The following DHX38 variants were observed in gnomAD, a reference collection of about 807,000 sequenced individuals.
DHX38 encodes pre-mRNA-splicing factor ATP-dependent RNA helicase PRP16.
Under a neutral mutation model 153.1 loss-of-function variants are expected in DHX38, and 100 were observed. The observed-to-expected ratio is 0.65, with a 90% CI of 0.56 to 0.77. DHX38 has a LOEUF of 0.77. Ranked by LOEUF, DHX38 falls within the 30% of genes least tolerant of loss-of-function variation. The probability of loss-of-function intolerance (pLI) is 0.00; values close to 1 mark genes in which losing one functional copy is unlikely to be tolerated. For missense variants in DHX38, 1,440 were observed against 1,654.0 expected (o/e 0.87, Z 2.24); for synonymous variants, 650 against 631.7 (o/e 1.03, Z -0.43).
At chr16:72,099,617 G>C in intron 7 of DHX38, 115 bp from the exon 8 acceptor site, 1 of 1,413,398 alleles carries the variant, frequency 7.1e-7, no homozygotes, top group South Asian at 1.4e-5. Context: ...CCCCTCACAA[G>C]GGTAGCTCCA....
chr16:72,108,963 C>A, intron 24 of DHX38, 38 bp downstream of exon 24: 1 of 1,551,462 alleles, frequency 6.4e-7, no homozygotes, highest in South Asian at 1.2e-5. Context: ...ATGCAGGCCC[C>A]CTGTCTGGCC....
intron 9 of DHX38, 27 bp downstream of exon 9, chr16:72,100,624 A>G (rs774572495): frequency 6.2e-7 from 1 of 1,610,886 alleles, no homozygotes; most frequent in South Asian, 1.1e-5. Context: ...GCCAGGGACA[A>G]GACAGCTCAG....
chr16:72,097,041 T>C (rs2042031623), intron 3 of DHX38, 32 bp downstream of exon 3: 2 of 1,568,434 alleles, frequency 1.3e-6, no homozygotes, highest in Admixed American at 3.7e-5. Context: ...CTATTGTCCA[T>C]TAGCATTCGA....
chr16:72,094,340 C>T (rs1402067080), intron 1 of DHX38: 1 of 152,312 alleles, frequency 6.6e-6, no homozygotes, highest in Non-Finnish European at 1.5e-5. Flanking sequence ...TTAACCCACC[C>T]CAGACTGTCA....
intron 3 of DHX38, 182 bp from the exon 4 acceptor site, chr16:72,097,495 C>A: frequency 1.8e-6 from 1 of 556,642 alleles, no homozygotes. Context: ...ATTTTCTAGG[C>A]AGTAACTATT....
Position 72,104,092 on chromosome 16 carries a change from C to T in DHX38, c.1971C>T (p.Arg657=), listed in dbSNP as rs61757602. The change falls in exon 14 of 27, where the codon CGC becomes CGT. Residue 657 remains arginine (R), a synonymous_variant. Transcript: ENST00000268482. The surrounding 1 kb of genome is among the most constrained non-coding windows in gnomAD (Gnocchi z 4.5). ...SAIIMDEAHE[R]SLNTDVLFGL... is the part of the protein sequence containing the mutation. ...TCATCATGGACGAGGCCCACGAGCG[C>T]TCCCTCAACACTGACGTGCTCTTTG... 1.4e-3 allele frequency: 2,214 copies of T among 1,614,168 alleles called. 36 individuals are homozygous for T. In the African/African-American group the frequency reaches 0.026, roughly 19 times the overall value.
intron 25 of DHX38, among the ~76,000 whole-genome samples, chr16:72,109,991 A>T (rs1002938728): frequency 5.3e-5 from 8 of 152,248 alleles, no homozygotes; most frequent in Non-Finnish European, 1.2e-4. Flanking sequence ...AAAAAAATGA[A>T]TACTTAATGT....
intron 26 of DHX38, among the ~76,000 whole-genome samples, 169 bp downstream of exon 26, chr16:72,111,246 T>A (rs1488915498): frequency 6.6e-6 from 1 of 151,956 alleles, no homozygotes; most frequent in Admixed American, 6.6e-5. Context: ...GTGGGAGGAG[T>A]TCCTGACAGC....
In DHX38 at chr16:72,103,148, T is replaced by G; in HGVS notation, c.1574T>G (p.Ile525Ser). ...AGTGAATTTGCAAAGAAGAAGTCCATCCTGGAGCAGAGGCAGTACCTGCCC... is the reference window on the plus strand; with the variant it reads ...AGTGAATTTGCAAAGAAGAAGTCCAGCCTGGAGCAGAGGCAGTACCTGCCC... Reference protein sequence around the residue: ...ASSEFAKKKSILEQRQYLPIF... With the variant: ...ASSEFAKKKSSLEQRQYLPIF... The change falls in exon 12 of 27, where the codon ATC (isoleucine) becomes AGC (serine). Residue 525 changes from isoleucine to serine, a missense_variant. Coordinates refer to ENST00000268482, the MANE Select transcript of DHX38 (RefSeq NM_014003.4). The G allele has an allele frequency of 6.2e-7, 1 of 1,614,212 alleles. No individual in the cohort carries two copies. Among genetic ancestry groups the G allele is most frequent in the East Asian group, 2.2e-5 (1 of 44,882 alleles).
Position 72,103,632 on chromosome 16 carries a change from G to A in DHX38, c.1668G>A (p.Glu556=), listed in dbSNP as rs368944332. ...RDNSIVIVVG[E]TGSGKTTQLT... Reference sequence around the variant, plus strand: ...ACAGCATCGTGATCGTGGTTGGGGAGACGGGGAGTGGTAAGACCACTCAGC... The same window carrying A: ...ACAGCATCGTGATCGTGGTTGGGGAAACGGGGAGTGGTAAGACCACTCAGC... The change falls in exon 13 of 27, where the codon GAG becomes GAA. Residue 556 remains glutamate (E), a synonymous_variant. Transcript: ENST00000268482. The A allele has an allele frequency of 1.9e-6, 3 of 1,612,018 alleles. No homozygotes were observed. In the African/African-American group the frequency reaches 4.0e-5, roughly 21 times the overall value.
In DHX38 at chr16:72,104,977, G is replaced by A; in HGVS notation, c.2152-50G>A. ...CCACTGGGCTCCCAGGAGATGCCCG[G>A]CCTGCGCTTCTAGTACCTCCCTCTG... On this transcript the variant is annotated intron_variant, in intron 15 of 26. Transcript: ENST00000268482. This position sits in a 1 kb window ranked among gnomAD's most constrained non-coding sequence, Gnocchi z 4.5. The A allele has an allele frequency of 1.9e-6, 3 of 1,570,172 alleles. No individual in the cohort carries two copies. Among genetic ancestry groups the A allele is most frequent in the Non-Finnish European group, 2.6e-6 (3 of 1,149,926 alleles).
intron 1 of DHX38, 116 bp from the exon 2 acceptor site, chr16:72,096,023 G>A: frequency 1.9e-6 from 2 of 1,079,750 alleles, no homozygotes; most frequent in Non-Finnish European, 2.6e-6. Flanking sequence ...AAGTAGTCCT[G>A]GTCTTAAGGG....
At chr16:72,097,406 A>T (rs1284316667) in intron 3 of DHX38, 1 of 443,178 alleles carries the variant, frequency 2.3e-6, no homozygotes, top group Non-Finnish European at 4.1e-6. Context: ...TGTAACTATT[A>T]AAAAAAATGA....
Position 72,104,896 on chromosome 16 carries a change from T to C in DHX38, c.2152-131T>C. The C allele has an allele frequency of 2.2e-6, 2 of 920,764 alleles. No homozygotes were observed. Among genetic ancestry groups the C allele is most frequent in the South Asian group, 1.7e-5 (1 of 59,624 alleles). 57.0% of individuals were successfully genotyped at this position (920,764 alleles called of 1,614,324 possible). A position where few individuals can be genotyped will look rare whatever the true frequency, so the allele number is the denominator to read the frequency against. On this transcript the variant is annotated intron_variant, in intron 15 of 26. Coordinates refer to ENST00000268482, the MANE Select transcript of DHX38 (RefSeq NM_014003.4). This position sits in a 1 kb window ranked among gnomAD's most constrained non-coding sequence, Gnocchi z 4.5. The stretch of plus-strand genomic sequence containing the variant: ...TGTAGAGGCCTCGCAGTCAGGCCCA[T>C]GTGGAGGTGTGGTGGCCCTCAAAGT...
intron 6 of DHX38, 51 bp from the exon 7 acceptor site, chr16:72,099,153 C>T (rs372876117): frequency 3.4e-5 from 54 of 1,594,844 alleles, no homozygotes; most frequent in South Asian, 2.3e-4. Context: ...TGTCTGGGGC[C>T]GCTGGGGACA....
chr16:72,101,006 C>T, intron 9 of DHX38, 80 bp from the exon 10 acceptor site: 1 of 1,359,766 alleles, frequency 7.4e-7, no homozygotes, highest in Non-Finnish European at 1.1e-6. Context: ...GGTAGCAGTC[C>T]CTTTCACAAG....
At chr16:72,096,569 G>A in intron 2 of DHX38, 89 bp downstream of exon 2, 1 of 1,468,278 alleles carries the variant, frequency 6.8e-7, no homozygotes, top group Non-Finnish European at 9.0e-7. Flanking sequence ...TTTCCTGTTG[G>A]AGATTTAGAG....
chr16:72,104,993 C>T lies in DHX38; in HGVS notation c.2152-34C>T. 3.7e-6 allele frequency: 6 copies of T among 1,602,050 alleles called. No homozygotes were observed. The highest frequency in any genetic ancestry group is 5.1e-6 in the Non-Finnish European group (6 of 1,171,434). Reference sequence around the variant, plus strand: ...AGATGCCCGGCCTGCGCTTCTAGTACCTCCCTCTGACTGTGTCCCCACTGC... The same window carrying T: ...AGATGCCCGGCCTGCGCTTCTAGTATCTCCCTCTGACTGTGTCCCCACTGC... On this transcript the variant is annotated intron_variant, in intron 15 of 26. Transcript: ENST00000268482. The surrounding 1 kb of genome is among the most constrained non-coding windows in gnomAD (Gnocchi z 4.5).
chr16:72,099,398 C>T, intron 7 of DHX38, 118 bp downstream of exon 7: 1 of 930,210 alleles, frequency 1.1e-6, no homozygotes. Flanking sequence ...AGACCCAATG[C>T]CCTGGAGTCT....
Sources: allele counts gnomAD v4.1 joint callset (sites outside exome capture counted in the v4.1 genomes callset), GRCh38; gene constraint gnomAD v4.1.1; non-coding constraint Gnocchi (gnomAD v3.1); transcripts MANE v1.5; gene names NCBI Gene and HGNC (gene_info 2026-07-23, HGNC 2026-07-21).